Variants in TSC22D1 observed in about 807,000 individuals in gnomAD.
TSC22D1 encodes the protein TSC22 domain family protein 1.
In TSC22D1, 9 loss-of-function variants were observed where a neutral mutation model predicts 74.2. The observed-to-expected ratio is 0.12, with a 90% CI of 0.07 to 0.21. The LOEUF (loss-of-function observed/expected upper bound fraction) is 0.21, where lower values mean the gene tolerates loss of function less well. Ranked by LOEUF, TSC22D1 falls within the 10% of genes least tolerant of loss-of-function variation. The probability of loss-of-function intolerance (pLI) is 1.00; values close to 1 mark genes in which losing one functional copy is unlikely to be tolerated. For missense variants in TSC22D1, 1,427 were observed against 1,304.7 expected (o/e 1.09, Z -1.44); for synonymous variants, 586 against 492.5 (o/e 1.19, Z -2.51).
intron 1 of TSC22D1, among the ~76,000 whole-genome samples, chr13:44,535,659 T>C (rs529162881): frequency 3.3e-5 from 5 of 151,886 alleles, no homozygotes; most frequent in Admixed American, 2.0e-4. Flanking sequence ...ACCATTTGTT[T>C]CCTTACTAAA....
chr13:44,541,652 A>T (rs1881476250), intron 1 of TSC22D1, among the ~76,000 whole-genome samples: 1 of 152,166 alleles, frequency 6.6e-6, no homozygotes, highest in South Asian at 2.1e-4. Context: ...TTTACAGTAT[A>T]ATCACAATGA....
intron 1 of TSC22D1, among the ~76,000 whole-genome samples, chr13:44,517,849 ATATATATATT>A (rs1880110738): frequency 8.8e-5 from 2 of 22,770 alleles, no homozygotes; most frequent in Non-Finnish European, 1.5e-4. Flanking sequence ...ATATATATAT[ATATATATATT>A]TTTTTTTTTT....
chr13:44,534,632 T>C (rs1881043019), intron 1 of TSC22D1, among the ~76,000 whole-genome samples: 2 of 152,166 alleles, frequency 1.3e-5, no homozygotes, highest in South Asian at 4.1e-4. Flanking sequence ...AGTATATCAC[T>C]TTCTCCTGTC....
In TSC22D1 at chr13:44,574,534, C is replaced by A. The variant is rs748065714; in HGVS notation, c.1541G>T (p.Gly514Val). The A allele has an allele frequency of 2.5e-6, 4 of 1,613,938 alleles. No homozygotes were observed. The African/African-American group carries it at 5.3e-5, about 22-fold the overall frequency. Residue 514 changes from glycine to valine, a missense_variant, in exon 1 of 3, where the codon GGT becomes GTT. By Grantham distance (109) the Gly-to-Val change is moderately radical. Coordinates refer to ENST00000458659, the MANE Select transcript of TSC22D1 (RefSeq NM_183422.4). Reference protein sequence around the residue: ...QQQQQQPALQGVTLQQMDFGS... With the variant: ...QQQQQQPALQVVTLQQMDFGS... The stretch of plus-strand genomic sequence containing the variant: ...AAAATCCATCTGTTGGAGGGTCACA[C>A]CTTGGAGAGCTGGTTGTTGCTGTTG...
intron 1 of TSC22D1, among the ~76,000 whole-genome samples, chr13:44,507,694 G>A (rs749674332): frequency 2.6e-5 from 4 of 152,078 alleles, no homozygotes; most frequent in African/African-American, 4.8e-5. Flanking sequence ...AAACAAAACC[G>A]CATTAAGAAA....
chr13:44,483,427 C>G (rs1878274650), intron 1 of TSC22D1, among the ~76,000 whole-genome samples: 1 of 152,036 alleles, frequency 6.6e-6, no homozygotes, highest in Non-Finnish European at 1.5e-5. Context: ...GTTGGGAGGC[C>G]GAGGCAGACG....
chr13:44,515,058 A>G (rs1017834279), intron 1 of TSC22D1, among the ~76,000 whole-genome samples: 7 of 151,878 alleles, frequency 4.6e-5, no homozygotes, highest in African/African-American at 1.7e-4. Context: ...TGCAACTCCT[A>G]TAGAGGGCAA....
chr13:44,463,753 T>C (rs961036359), intron 1 of TSC22D1, among the ~76,000 whole-genome samples: 15 of 152,232 alleles, frequency 9.9e-5, no homozygotes, highest in Admixed American at 9.8e-4. Context: ...ATCATGGTAA[T>C]TGTCAAAGAA....
chr13:44,540,294 ATTC>A (rs1881389897), intron 1 of TSC22D1, among the ~76,000 whole-genome samples: 1 of 152,198 alleles, frequency 6.6e-6, no homozygotes, highest in African/African-American at 2.4e-5. Flanking sequence ...GTCCCAGTTA[ATTC>A]TTCTGTCAAA....
chr13:44,562,191 G>A (rs1011430679), intron 1 of TSC22D1, among the ~76,000 whole-genome samples: 3 of 152,130 alleles, frequency 2.0e-5, no homozygotes, highest in Admixed American at 1.3e-4. Flanking sequence ...AGGCGTGCAC[G>A]CCACCATGCC....
chr13:44,459,910 T>C (rs56317250), intron 1 of TSC22D1, among the ~76,000 whole-genome samples: 15,091 of 152,166 alleles, frequency 0.099, 783 homozygotes, highest in Non-Finnish European at 0.11. Flanking sequence ...CATGGGTGCC[T>C]GTCTCATCCT....
chr13:44,452,077 T>C (rs1484486055), intron 1 of TSC22D1, among the ~76,000 whole-genome samples: 1 of 152,142 alleles, frequency 6.6e-6, no homozygotes, highest in Non-Finnish European at 1.5e-5. Flanking sequence ...AGACACAAGC[T>C]TAGTCCGACT....
chr13:44,552,182 A>G (rs1882326096), intron 1 of TSC22D1, among the ~76,000 whole-genome samples: 1 of 152,208 alleles, frequency 6.6e-6, no homozygotes, highest in Non-Finnish European at 1.5e-5. Context: ...CTTTTAGCAA[A>G]TCTTATTCTC....
At chr13:44,567,227 A>G (rs1883434781) in intron 1 of TSC22D1, among the ~76,000 whole-genome samples, 1 of 152,230 alleles carries the variant, frequency 6.6e-6, no homozygotes, top group Non-Finnish European at 1.5e-5. Flanking sequence ...TCCAAGCAAG[A>G]AATCAGAAGA....
At chr13:44,546,345 GA>G (rs1881823353) in intron 1 of TSC22D1, among the ~76,000 whole-genome samples, 1 of 152,146 alleles carries the variant, frequency 6.6e-6, no homozygotes, top group Non-Finnish European at 1.5e-5. Flanking sequence ...TTAACCAAAT[GA>G]TCAAGATGAC....
rs1189096768 is a variant in TSC22D1, at chr13:44,487,481, A to C, written c.2913-51386T>G. On this transcript the variant is annotated intron_variant, in intron 1 of 2. Coordinates refer to ENST00000458659, the MANE Select transcript of TSC22D1 (RefSeq NM_183422.4). ...GCCACTGCACTCCAGCCTGGGCAAC[A>C]GAGCAAGACTCCATCTCAAAAAAAA... Among the ~76,000 whole-genome samples the C allele has an allele frequency of 7.9e-5, 11 of 139,776 alleles. No homozygotes were observed. The East Asian group carries it at 2.6e-3, about 33-fold the overall frequency. The allele number at this position is 139,776 out of a possible 152,430, so 91.7% of individuals were successfully genotyped here.
chr13:44,477,925 G>A (rs535320295), intron 1 of TSC22D1, among the ~76,000 whole-genome samples: 11 of 152,260 alleles, frequency 7.2e-5, no homozygotes, highest in African/African-American at 2.6e-4. Context: ...ACAGGCGTGA[G>A]CCACTGCGCC....
intron 1 of TSC22D1, among the ~76,000 whole-genome samples, chr13:44,559,835 G>T (rs1882920992): frequency 6.6e-6 from 1 of 151,968 alleles, no homozygotes; most frequent in African/African-American, 2.4e-5. Flanking sequence ...GGGACTGCAG[G>T]TGTGTGCCAC....
chr13:44,494,016 C>T (rs749477910), intron 1 of TSC22D1, among the ~76,000 whole-genome samples: 11 of 151,968 alleles, frequency 7.2e-5, no homozygotes, highest in African/African-American at 1.7e-4. Flanking sequence ...AGATTGCTTA[C>T]GTCCAGGAGT....
Sources: allele counts gnomAD v4.1 joint callset (sites outside exome capture counted in the v4.1 genomes callset), GRCh38; gene constraint gnomAD v4.1.1; transcripts MANE v1.5; gene names NCBI Gene and HGNC (gene_info 2026-07-23, HGNC 2026-07-21).